The following PALLD variants were observed in gnomAD, a reference collection of about 807,000 sequenced individuals.
PALLD encodes the protein palladin.
PALLD carries 61 observed loss-of-function variants against 123.5 expected under a neutral mutation model. That is an observed-to-expected ratio of 0.49 (90% CI 0.40 to 0.61). PALLD has a LOEUF of 0.61. PALLD is among the 20% of genes least tolerant of loss of function. The pLI is 0.00. For synonymous variants in PALLD, 465 were observed against 496.4 expected (o/e 0.94, Z 0.84); for missense variants, 1,273 against 1,377.0 (o/e 0.92, Z 1.20).
At chr4:168,709,190 C>T (rs1395279785) in intron 9 of PALLD, 43 bp downstream of exon 9, 2 of 1,606,818 alleles carry the variant, frequency 1.2e-6, no homozygotes, top group South Asian at 1.1e-5. Context: ...TGTTCCCCAG[C>T]ACCAGTGTGG....
chr4:168,639,221 G>GTCAT (rs1160064102), intron 2 of PALLD, among the ~76,000 whole-genome samples: 2 of 152,198 alleles, frequency 1.3e-5, no homozygotes, highest in Non-Finnish European at 2.9e-5. Flanking sequence ...AACCACAGAA[G>GTCAT]TCATTGCTCA....
intron 2 of PALLD, among the ~76,000 whole-genome samples, chr4:168,610,034 T>G (rs1327642886): frequency 6.6e-6 from 1 of 152,246 alleles, no homozygotes; most frequent in Non-Finnish European, 1.5e-5. Context: ...TTATGATATT[T>G]GTTCCAATGC....
intron 2 of PALLD, among the ~76,000 whole-genome samples, chr4:168,636,988 G>C (rs147968369): frequency 1.3e-5 from 2 of 152,296 alleles, no homozygotes; most frequent in African/African-American, 4.8e-5. Context: ...AAGGAAGTCT[G>C]TAAGAGAGAT....
At chr4:168,559,302 C>T (rs1204399483) in intron 2 of PALLD, among the ~76,000 whole-genome samples, 8 of 152,180 alleles carry the variant, frequency 5.3e-5, no homozygotes, top group Admixed American at 2.0e-4. Context: ...CAAGACTATA[C>T]ACAAATAGAG....
chr4:168,520,102 G>A (rs933982618), intron 2 of PALLD, among the ~76,000 whole-genome samples: 2 of 151,848 alleles, frequency 1.3e-5, no homozygotes, highest in South Asian at 2.1e-4. Flanking sequence ...CGAGGCGGGC[G>A]GATCACGAGG....
At chr4:168,870,810 G>A (rs1750972930) in intron 10 of PALLD, among the ~76,000 whole-genome samples, 3 of 152,094 alleles carry the variant, frequency 2.0e-5, no homozygotes, top group South Asian at 4.1e-4. Flanking sequence ...TTCTCTACTG[G>A]GCTGACTCCA....
In PALLD at chr4:168,724,673, A is replaced by G. The variant is rs73864630; in HGVS notation, c.1964+12750A>G. ...TAAGTTGGCTGGATAAATCACGTCA[A>G]TTTGAACACACACATCTTTGCTTCA... On this transcript the variant is annotated intron_variant, in intron 10 of 21. Coordinates refer to ENST00000505667, the MANE Select transcript of PALLD (RefSeq NM_001166108.2). Among the ~76,000 whole-genome samples, 1,020 of 150,620 alleles carry G rather than the reference A, an allele frequency of 6.8e-3. 16 individuals are homozygous for G. The highest frequency in any genetic ancestry group is 0.023 in the African/African-American group (959 of 41,246).
rs1767634067 is a variant in PALLD at position 168,559,380 on chromosome 4, C to A, written c.908+46968C>A. On this transcript the variant is annotated intron_variant, in intron 2 of 21. Transcript: ENST00000505667. ...ACAGAGCATGAGATATTGACCCAAC[C>A]CTTCTGATAAATGATACAGAAACTA... is the stretch of plus-strand genomic sequence containing the variant. Among the ~76,000 whole-genome samples, 3 of 149,116 alleles carry A rather than the reference C, an allele frequency of 2.0e-5. No individual in the cohort carries two copies. The South Asian group carries it at 6.4e-4, about 32-fold the overall frequency.
chr4:168,635,828 A>G (rs1006232259), intron 2 of PALLD, among the ~76,000 whole-genome samples: 3 of 152,212 alleles, frequency 2.0e-5, no homozygotes, highest in African/African-American at 7.2e-5. Context: ...AGGGATTTAA[A>G]GGAAAACATG....
At chr4:168,726,352 A>G (rs1786580334) in intron 10 of PALLD, among the ~76,000 whole-genome samples, 1 of 152,078 alleles carries the variant, frequency 6.6e-6, no homozygotes, top group African/African-American at 2.4e-5. Flanking sequence ...AGAAACTTGT[A>G]TTTTTCTTAT....
chr4:168,698,630 C>T (rs1159433399), intron 8 of PALLD, among the ~76,000 whole-genome samples: 1 of 152,016 alleles, frequency 6.6e-6, no homozygotes, highest in African/African-American at 2.4e-5. Flanking sequence ...CCGAGTGAGC[C>T]TTATATTTCC....
intron 2 of PALLD, among the ~76,000 whole-genome samples, chr4:168,545,131 T>C (rs1766017245): frequency 6.6e-6 from 1 of 152,160 alleles, no homozygotes; most frequent in Non-Finnish European, 1.5e-5. Context: ...AGCTTTTTAT[T>C]TTCATCCTCT....
chr4:168,511,262 A>T (rs1284629687), intron 1 of PALLD, among the ~76,000 whole-genome samples, 161 bp from the exon 2 acceptor site: 2 of 152,240 alleles, frequency 1.3e-5, no homozygotes, highest in Non-Finnish European at 2.9e-5. Flanking sequence ...AAATCATAAA[A>T]TGATCAACAC....
At chr4:168,576,827 T>A (rs555031625) in intron 2 of PALLD, among the ~76,000 whole-genome samples, 1 of 152,198 alleles carries the variant, frequency 6.6e-6, no homozygotes, top group East Asian at 1.9e-4. Flanking sequence ...TCCACAATGG[T>A]TGAACTAGTT....
At chr4:168,611,247 TC>T in intron 2 of PALLD, among the ~76,000 whole-genome samples, 1 of 152,342 alleles carries the variant, frequency 6.6e-6, no homozygotes, top group South Asian at 2.1e-4. Flanking sequence ...AACTGCTCCT[TC>T]CTCTTTCTTC....
chr4:168,877,823 C>G (rs888482223), intron 10 of PALLD: 1 of 1,295,768 alleles, frequency 7.7e-7, no homozygotes, highest in South Asian at 2.4e-5. Flanking sequence ...GCCGCCCTCG[C>G]CCCCCTTCCC....
chr4:168,773,737 T>C (rs1734763037), intron 10 of PALLD, among the ~76,000 whole-genome samples: 1 of 152,176 alleles, frequency 6.6e-6, no homozygotes, highest in Non-Finnish European at 1.5e-5. Flanking sequence ...TTAATGTCTG[T>C]TCCTTGGCGA....
chr4:168,798,081 G>A (rs371292919), intron 10 of PALLD, among the ~76,000 whole-genome samples: 1 of 152,066 alleles, frequency 6.6e-6, no homozygotes, highest in Non-Finnish European at 1.5e-5. Flanking sequence ...GCTTTGTCCC[G>A]ACACTAATAG....
chr4:168,722,044 T>G (rs1228675439), intron 10 of PALLD, among the ~76,000 whole-genome samples: 2 of 152,078 alleles, frequency 1.3e-5, no homozygotes, highest in Non-Finnish European at 2.9e-5. Context: ...TTTATGTATA[T>G]ATGTATGTAT....
Sources: gnomAD v4.1 joint callset for allele counts (sites outside exome capture counted in the v4.1 genomes callset) on GRCh38, gnomAD v4.1.1 for gene constraint, MANE v1.5 for transcripts, NCBI Gene and HGNC (gene_info 2026-07-23, HGNC 2026-07-21) for gene names.